TEX29: variants seen among roughly 807,000 people sequenced by gnomAD.
TEX29 encodes the protein testis-expressed protein 29.
Under a neutral mutation model 18.2 loss-of-function variants are expected in TEX29, and 26 were observed. The observed-to-expected ratio is 1.43, with a 90% confidence interval of 1.04 to 1.98. The LOEUF is 1.98. TEX29 is among the 30% of genes most tolerant of loss of function. The probability of loss-of-function intolerance (pLI) is 0.00; values close to 1 mark genes in which losing one functional copy is unlikely to be tolerated. For synonymous variants in TEX29, 83 were observed against 78.5 expected (o/e 1.06, Z -0.31); for missense variants, 177 against 194.2 (o/e 0.91, Z 0.53).
At chr13:111,340,184 C>A (rs1434999569) in intron 4 of TEX29, among the ~76,000 whole-genome samples, 1 of 147,914 alleles carries the variant, frequency 6.8e-6, no homozygotes, top group African/African-American at 2.5e-5. Flanking sequence ...AAATCATAAC[C>A]CATGTTTAGT....
At chr13:111,325,182 A>G (rs919452657) in intron 2 of TEX29, among the ~76,000 whole-genome samples, 1 of 152,172 alleles carries the variant, frequency 6.6e-6, no homozygotes. Flanking sequence ...GATCAGGAAG[A>G]ACGTGGTTGC....
chr13:111,318,915 G>C (rs1209518879), upstream of TEX29, among the ~76,000 whole-genome samples: 2 of 152,220 alleles, frequency 1.3e-5, no homozygotes, highest in Non-Finnish European at 2.9e-5. Context: ...CACACTTCTG[G>C]GGGCTGGAAG....
chr13:111,342,397 A>G (rs1034080131), intron 4 of TEX29, among the ~76,000 whole-genome samples: 1 of 152,084 alleles, frequency 6.6e-6, no homozygotes, highest in Non-Finnish European at 1.5e-5. Context: ...AGCCTGCACA[A>G]GAAACTAAAA....
In TEX29 at chr13:111,339,903, T is replaced by G. The variant is rs577799613; in HGVS notation, c.210T>G (p.Ala70=). ...TCTCTGCCTTGATTGTGATCATCGC[T>G]GGGGCCTTCGTCATCACCATCATCT... ...HVFSALIVII[A]GAFVITIIYR... is the part of the protein sequence containing the mutation. The change falls in exon 4 of 6, where the codon GCT becomes GCG. Residue 70 remains alanine (A), a synonymous_variant. Transcript: ENST00000283547. The G allele has an allele frequency of 8.7e-6, 14 of 1,604,724 alleles. No individual in the cohort carries two copies. In the African/African-American group the frequency reaches 1.9e-4, roughly 22 times the overall value.
intron 2 of TEX29, among the ~76,000 whole-genome samples, chr13:111,325,726 A>G (rs952533280): frequency 6.6e-6 from 1 of 152,152 alleles, no homozygotes; most frequent in Non-Finnish European, 1.5e-5. Flanking sequence ...ACACCGGAGG[A>G]GGCGCGGGAG....
intron 3 of TEX29, among the ~76,000 whole-genome samples, chr13:111,336,307 T>G (rs1420233426): frequency 4.6e-5 from 7 of 152,364 alleles, no homozygotes; most frequent in Middle Eastern, 6.8e-3. Flanking sequence ...ACTTTTCATT[T>G]CTTTGACATC....
intron 2 of TEX29, among the ~76,000 whole-genome samples, chr13:111,321,366 G>A (rs74475522): frequency 2.6e-5 from 4 of 152,150 alleles, no homozygotes; most frequent in Admixed American, 1.3e-4. Context: ...CAACTGACCC[G>A]GAGGCAGACA....
chr13:111,338,389 G>T (rs1478104737), intron 3 of TEX29, among the ~76,000 whole-genome samples: 2 of 152,108 alleles, frequency 1.3e-5, no homozygotes, highest in Non-Finnish European at 2.9e-5. Flanking sequence ...AGCCAGGGAG[G>T]ACCCTTCCCG....
chr13:111,320,970 GGGGC>G, intron 2 of TEX29, 22 bp downstream of exon 2: 1 of 1,541,714 alleles, frequency 6.5e-7, no homozygotes, highest in Non-Finnish European at 8.9e-7. Context: ...AGGCGCCAGG[GGGGC>G]GGGTGGGGTG....
upstream of TEX29, among the ~76,000 whole-genome samples, chr13:111,317,702 C>T (rs2093656889): frequency 1.3e-5 from 2 of 152,238 alleles, no homozygotes; most frequent in Non-Finnish European, 1.5e-5. Flanking sequence ...GCTTTCTTCT[C>T]GCTGGCTCTG....
Position 111,328,174 on chromosome 13 carries a change from CT to C in TEX29, c.59-5del, listed in dbSNP as rs1182256030. ...GGGGTGACACTTGTGTATGTCTGTG[CT>C]TTTGCAGTGTGTGACGTTCCTCTGT... On this transcript the variant is annotated splice_polypyrimidine_tract_variant and splice_region_variant and intron_variant, in intron 2 of 5. Transcript: ENST00000283547. 1 of 1,588,550 alleles carries C rather than the reference CT, an allele frequency of 6.3e-7. No individual in the cohort carries two copies. The highest frequency in any genetic ancestry group is 8.6e-7 in the Non-Finnish European group (1 of 1,157,232).
chr13:111,338,441 T>A (rs527288692), intron 3 of TEX29, among the ~76,000 whole-genome samples: 15 of 152,312 alleles, frequency 9.8e-5, no homozygotes, highest in African/African-American at 3.4e-4. Flanking sequence ...CAGTTTGTTC[T>A]TGGACTTCTG....
At chr13:111,321,634 A>C (rs989393080) in intron 2 of TEX29, among the ~76,000 whole-genome samples, 3 of 152,002 alleles carry the variant, frequency 2.0e-5, no homozygotes, top group Non-Finnish European at 2.9e-5. Context: ...ACAAAAAAAA[A>C]CCCAAGAAAA....
chr13:111,322,305 G>T (rs962701444), intron 2 of TEX29, among the ~76,000 whole-genome samples: 1 of 152,230 alleles, frequency 6.6e-6, no homozygotes, highest in Non-Finnish European at 1.5e-5. Flanking sequence ...CGAGGGAACG[G>T]GCCGCTCTTG....
In TEX29 at chr13:111,339,963, G is replaced by T. The variant is rs766969507; in HGVS notation, c.239+31G>T. On this transcript the variant is annotated intron_variant, in intron 4 of 5. Transcript: ENST00000283547. ...TCCCTTTGTTCTTTACTGGGAGGGT[G>T]GGGAGGAGGGGACTCACCTCTCCTG... is the stretch of plus-strand genomic sequence containing the variant. 2.3e-5 allele frequency: 36 copies of T among 1,569,218 alleles called. 2 individuals are homozygous for T. Among genetic ancestry groups the T allele is most frequent in the African/African-American group, 8.2e-5 (6 of 73,090 alleles).
intron 4 of TEX29, 112 bp downstream of exon 4, chr13:111,340,044 G>A: frequency 1.0e-6 from 1 of 963,338 alleles, no homozygotes. Flanking sequence ...TGGGGTGACT[G>A]AGAACAGCTC....
At chr13:111,342,661 G>A (rs2093698427) in intron 4 of TEX29, 95 bp from the exon 5 acceptor site, 9 of 1,241,118 alleles carry the variant, frequency 7.3e-6, no homozygotes, top group Admixed American at 2.4e-5. Flanking sequence ...AGGAACCTGT[G>A]TTTTCAGAGG....
chr13:111,322,888 C>T (rs1216106453), intron 2 of TEX29, among the ~76,000 whole-genome samples: 4 of 152,144 alleles, frequency 2.6e-5, no homozygotes, highest in African/African-American at 9.7e-5. Context: ...CCACCGGTGG[C>T]CTCAGCGGGC....
Position 111,339,893 on chromosome 13 carries a change from T to TGATC in TEX29, c.201_204dup (p.Ile69AspfsTer66), listed in dbSNP as rs2093695033. 3.7e-6 allele frequency: 6 copies of TGATC among 1,613,506 alleles called. No individual in the cohort carries two copies. Among genetic ancestry groups the TGATC allele is most frequent in the Non-Finnish European group, 5.1e-6 (6 of 1,179,730 alleles). On this transcript the variant is annotated frameshift_variant, in exon 4 of 6. Transcript: ENST00000283547. LOFTEE classifies it high-confidence loss of function. The stretch of plus-strand genomic sequence containing the variant: ...ATCCACGTGTTCTCTGCCTTGATTG[T>TGATC]GATCATCGCTGGGGCCTTCGTCATC...
Sources: allele counts gnomAD v4.1 joint callset (sites outside exome capture counted in the v4.1 genomes callset), GRCh38; gene constraint gnomAD v4.1.1; transcripts MANE v1.5; gene names NCBI Gene and HGNC (gene_info 2026-07-23, HGNC 2026-07-21).